The following LAMA1 variants were observed in gnomAD, a reference collection of about 807,000 sequenced individuals.
LAMA1 encodes the protein laminin subunit alpha 1.
A neutral mutation model predicts 348.7 loss-of-function variants in LAMA1; 219 were observed. The ratio of observed to expected loss-of-function variants is 0.63; its 90% confidence interval spans 0.56 to 0.70. The LOEUF (loss-of-function observed/expected upper bound fraction) is 0.70. Among genes scored for constraint, LAMA1 ranks in the 30% least tolerant of loss-of-function variants. The probability of loss-of-function intolerance (pLI) is 0.00; values close to 1 mark genes in which losing one functional copy is unlikely to be tolerated. For synonymous variants in LAMA1, 1,487 were observed against 1,491.0 expected, an observed-to-expected ratio of 1.00 and a Z score of 0.06; for missense variants, 3,744 against 3,888.0, an observed-to-expected ratio of 0.96 and a Z score of 0.99.
At chr18:7,085,413 CTTTTT>C (rs36122063) in intron 1 of LAMA1, among the ~76,000 whole-genome samples, 1 of 85,256 alleles carries the variant, frequency 1.2e-5, no homozygotes. Flanking sequence ...TCTTCTTCTT[CTTTTT>C]TTTTTTTTTT....
At position 6,949,110 on chromosome 18, in the gene LAMA1, T is replaced by G. The variant is rs780110397; in HGVS notation, c.8547A>C (p.Lys2849Asn). 6 of 1,614,046 alleles carry G rather than the reference T, an allele frequency of 3.7e-6. No individual in the cohort carries two copies. In the African/African-American group the frequency reaches 8.0e-5, roughly 22 times the overall value. The change falls in exon 59 of 63, where the codon AAA becomes AAC. Residue 2849 changes from lysine to asparagine, a missense_variant. Around this residue, in one of 3 missense-constraint regions of LAMA1, gnomAD observed 1,983 missense variants for 1,934.3 expected, o/e 1.03. Transcript: ENST00000389658. ...GGAAAATGCTGCTTACATTTCCAAT[T>G]TTCCTGGCCTGGTACTGGGAGGGCA... ...GGLPSQYQARKIGNITHSIPA... is the reference protein window; with the variant it reads ...GGLPSQYQARNIGNITHSIPA...
rs955504090 is a variant in LAMA1, at chr18:6,999,750, G to A, written c.4470-112C>T. On this transcript the variant is annotated intron_variant, in intron 31 of 62. Transcript: ENST00000389658. Reference sequence around the variant, plus strand: ...TGCAAAGCACAGATCCATTCACCTTGGGAAAACTTGTTCTGGAACAGTAAT... The same window carrying A: ...TGCAAAGCACAGATCCATTCACCTTAGGAAAACTTGTTCTGGAACAGTAAT... 4.1e-6 allele frequency: 5 copies of A among 1,211,304 alleles called. No individual in the cohort carries two copies. The African/African-American group carries it at 7.7e-5, about 19-fold the overall frequency. 75.0% of individuals were successfully genotyped at this position (1,211,304 alleles called of 1,614,324 possible).
intron 1 of LAMA1, among the ~76,000 whole-genome samples, chr18:7,111,765 A>G (rs2058336891): frequency 2.6e-5 from 4 of 152,366 alleles, no homozygotes; most frequent in Non-Finnish European, 4.4e-5. Context: ...AACTACATAC[A>G]TCATTCTTAG....
intron 13 of LAMA1, among the ~76,000 whole-genome samples, chr18:7,035,606 G>T (rs773588564): frequency 4.6e-5 from 7 of 151,812 alleles, no homozygotes; most frequent in African/African-American, 9.7e-5. Flanking sequence ...TTGAGAGACG[G>T]GGGTCTCACT....
chr18:6,998,812 T>C (rs536714654), intron 32 of LAMA1, among the ~76,000 whole-genome samples: 56 of 151,954 alleles, frequency 3.7e-4, no homozygotes, highest in African/African-American at 1.3e-3. Context: ...GCAGGCGGAT[T>C]GCCTGAGGTC....
At chr18:6,986,030 T>G in intron 37 of LAMA1, 107 bp downstream of exon 37, 1 of 1,256,516 alleles carries the variant, frequency 8.0e-7, no homozygotes. Flanking sequence ...AGTGCTGGGA[T>G]TACAAGCGTG....
At chr18:7,080,122 C>T (rs760111168) in intron 2 of LAMA1, 35 bp from the exon 3 acceptor site, 17 of 1,578,414 alleles carry the variant, frequency 1.1e-5, no homozygotes, top group African/African-American at 5.4e-5. Context: ...GAATTCCTCT[C>T]GGCTGTTGCT....
rs575711742 is a variant in LAMA1 at position 7,000,285 on chromosome 18, AC to A, written c.4383-289del. ...CCTTAGGGATTATCACTAATTGGCC[AC>A]CCAACAAGAGAGTGTCCCAAGGAAA... On this transcript the variant is annotated intron_variant, in intron 30 of 62. Transcript: ENST00000389658. Among the ~76,000 whole-genome samples the A allele has an allele frequency of 1.8e-4, 28 of 152,378 alleles. No individual in the cohort carries two copies. The South Asian group carries it at 5.6e-3, about 30-fold the overall frequency.
chr18:7,095,120 C>T (rs372802417), intron 1 of LAMA1, among the ~76,000 whole-genome samples: 1 of 34,682 alleles, frequency 2.9e-5, no homozygotes, highest in Non-Finnish European at 5.4e-5. Context: ...GCCTCAGGAC[C>T]TTTCTCTCTC....
chr18:7,010,219 T>C lies in LAMA1; in HGVS notation c.3854A>G (p.Gln1285Arg). 6.2e-7 allele frequency: 1 copy of C among 1,614,210 alleles called. No homozygotes were observed. The highest frequency in any genetic ancestry group is 8.5e-7 in the Non-Finnish European group (1 of 1,180,034). The part of the protein sequence containing the change: ...PAPENGVRQE[Q>R]EVAMRENFWK... Reference sequence around the variant, plus strand: ...TATCACCTCTCTCATTGCTACTTCTTGTTCCTGTCTCACTCCATTCTCTGG... The same window carrying C: ...TATCACCTCTCTCATTGCTACTTCTCGTTCCTGTCTCACTCCATTCTCTGG... The change falls in exon 26 of 63, where the codon CAA (glutamine) becomes CGA (arginine). Residue 1285 changes from glutamine to arginine, a missense_variant. Transcript: ENST00000389658.
chr18:7,006,622 G>A (rs1236855169), intron 29 of LAMA1, among the ~76,000 whole-genome samples: 2 of 152,106 alleles, frequency 1.3e-5, no homozygotes, highest in East Asian at 3.9e-4. Context: ...CGGTGTGAAC[G>A]TCATAGAGTG....
chr18:7,007,550 G>T (rs1023961340), intron 28 of LAMA1, among the ~76,000 whole-genome samples: 19 of 151,124 alleles, frequency 1.3e-4, no homozygotes, highest in African/African-American at 4.6e-4. Context: ...AATGGCACAG[G>T]AAAAACCAGT....
intron 1 of LAMA1, among the ~76,000 whole-genome samples, chr18:7,101,916 G>A (rs2058292854): frequency 6.6e-6 from 1 of 151,366 alleles, no homozygotes; most frequent in African/African-American, 2.4e-5. Flanking sequence ...TGGGCTTAAG[G>A]GATCTTCCTG....
chr18:6,959,795 C>CT (rs1213381136), intron 53 of LAMA1: 31 of 333,980 alleles, frequency 9.3e-5, no homozygotes, highest in Admixed American at 8.2e-4. Flanking sequence ...TGTAATTTGT[C>CT]TTTTTATCAA....
chr18:7,078,379 G>A (rs942993383), intron 3 of LAMA1, among the ~76,000 whole-genome samples: 3 of 151,414 alleles, frequency 2.0e-5, no homozygotes, highest in Non-Finnish European at 4.4e-5. Context: ...TGTTAGCCAG[G>A]ATGGTCTCGA....
At chr18:6,950,299 T>G (rs1446052161) in intron 58 of LAMA1, among the ~76,000 whole-genome samples, 4 of 152,252 alleles carry the variant, frequency 2.6e-5, no homozygotes, top group Non-Finnish European at 5.9e-5. Flanking sequence ...AATTATCTCC[T>G]GGCAAGTTGC....
At chr18:7,079,769 A>G (rs2058185356) in intron 3 of LAMA1, 1 of 588,822 alleles carries the variant, frequency 1.7e-6, no homozygotes, top group Non-Finnish European at 3.0e-6. Context: ...AATTTCACCC[A>G]TCTCCCTGAA....
At position 6,947,259 on chromosome 18, in the gene LAMA1, G is replaced by T; in HGVS notation, c.8748C>A (p.Ile2916=). 1 of 1,614,080 alleles carries T rather than the reference G, an allele frequency of 6.2e-7. No homozygotes were observed. The highest frequency in any genetic ancestry group is 8.5e-7 in the Non-Finnish European group (1 of 1,180,036). Residue 2916 remains isoleucine (I), a synonymous_variant, in exon 61 of 63, where the codon ATC becomes ATA. Transcript: ENST00000389658. ...GCGAGGAGGTTCGAAACTCCAGTGTGATGTTCACATCTGACTGGACTTTGT... is the reference window on the plus strand; with the variant it reads ...GCGAGGAGGTTCGAAACTCCAGTGTTATGTTCACATCTGACTGGACTTTGT... ...EGYKVQSDVN[I]TLEFRTSSQN...
chr18:7,016,445 C>T (rs765650150), intron 21 of LAMA1, 46 bp downstream of exon 21: 113 of 1,611,048 alleles, frequency 7.0e-5, no homozygotes, highest in Non-Finnish European at 9.3e-5. Context: ...CCAAGGAAAG[C>T]TCTGGGAATG....
Sources: allele counts gnomAD v4.1 joint callset (sites outside exome capture counted in the v4.1 genomes callset), GRCh38; gene constraint gnomAD v4.1.1; regional missense constraint gnomAD v4.1.1; transcripts MANE v1.5; gene names NCBI Gene and HGNC (gene_info 2026-07-23, HGNC 2026-07-21).